Variants in GPC5 observed in about 807,000 individuals in gnomAD.
The protein encoded by GPC5 is glypican 5, also known as glypican-5.
A neutral mutation model predicts 53.9 loss-of-function variants in GPC5; 47 were observed. The ratio of observed to expected loss-of-function variants is 0.87; its 90% CI spans 0.69 to 1.11. The LOEUF is 1.11. Among genes scored for constraint, GPC5 ranks in the 50% most tolerant of loss-of-function variants. The pLI is 0.00. For synonymous variants in GPC5, 286 were observed against 263.3 expected (o/e 1.09, Z -0.84); for missense variants, 748 against 713.1 (o/e 1.05, Z -0.56).
At chr13:91,823,371 T>C (rs756996121) in intron 5 of GPC5, among the ~76,000 whole-genome samples, 3 of 152,086 alleles carry the variant, frequency 2.0e-5, no homozygotes, top group Non-Finnish European at 2.9e-5. Flanking sequence ...CAAAATGTCT[T>C]TTTTTGTTTG....
intron 7 of GPC5, among the ~76,000 whole-genome samples, chr13:92,576,575 C>T (rs528045107): frequency 6.6e-6 from 1 of 152,172 alleles, no homozygotes; most frequent in South Asian, 2.1e-4. Flanking sequence ...GAAAATTAGA[C>T]ATTAAAAATG....
chr13:92,115,771 AGGATTTTCCAGGCTATG>A (rs921033003), intron 6 of GPC5, among the ~76,000 whole-genome samples: 2 of 152,200 alleles, frequency 1.3e-5, no homozygotes, highest in Non-Finnish European at 2.9e-5. Flanking sequence ...GAGGGCATTT[AGGATTTTCCAGGCTATG>A]GGCTGATTGT....
chr13:92,088,197 C>T (rs2138891411), intron 6 of GPC5, among the ~76,000 whole-genome samples: 1 of 152,292 alleles, frequency 6.6e-6, no homozygotes, highest in South Asian at 2.1e-4. Flanking sequence ...ATCCTAACTA[C>T]TCTACCGAAG....
intron 7 of GPC5, among the ~76,000 whole-genome samples, chr13:92,407,519 A>G (rs2374006): frequency 0.62 from 94,027 of 152,014 alleles, 29,329 homozygotes; most frequent in East Asian, 0.73. Flanking sequence ...GTCCAAGTTT[A>G]TAATAAGAAT....
At chr13:92,633,798 T>C (rs1885332059) in intron 7 of GPC5, among the ~76,000 whole-genome samples, 2 of 152,248 alleles carry the variant, frequency 1.3e-5, no homozygotes, top group South Asian at 4.1e-4. Context: ...ACACACAATT[T>C]GTTTCCTTGT....
chr13:91,724,423 A>G (rs117634537), intron 3 of GPC5, among the ~76,000 whole-genome samples: 1,611 of 152,192 alleles, frequency 0.011, 17 homozygotes, highest in Middle Eastern at 0.055. Flanking sequence ...AGTGTGCTTA[A>G]TAATCACTCG....
At chr13:92,262,827 A>T (rs1300262026) in intron 7 of GPC5, among the ~76,000 whole-genome samples, 8 of 152,210 alleles carry the variant, frequency 5.3e-5, no homozygotes, top group African/African-American at 1.9e-4. Flanking sequence ...AAAGGTTGAG[A>T]CTAAAGAATT....
chr13:91,615,177 C>T (rs9523379), intron 2 of GPC5, among the ~76,000 whole-genome samples: 41,674 of 152,028 alleles, frequency 0.27, 6,764 homozygotes, highest in Non-Finnish European at 0.36. Context: ...CCAAGGTGGA[C>T]ACTTATTTCT....
At chr13:92,480,748 C>A (rs1879316547) in intron 7 of GPC5, among the ~76,000 whole-genome samples, 2 of 80,692 alleles carry the variant, frequency 2.5e-5, no homozygotes, top group Admixed American at 1.5e-4. Context: ...GCCTTACAGT[C>A]AGGCAACAAA....
At chr13:92,535,016 G>C (rs1165265400) in intron 7 of GPC5, among the ~76,000 whole-genome samples, 1 of 152,050 alleles carries the variant, frequency 6.6e-6, no homozygotes, top group African/African-American at 2.4e-5. Context: ...AGTCAAATGA[G>C]GTATTATTAG....
chr13:92,495,071 T>C (rs1879919423), intron 7 of GPC5, among the ~76,000 whole-genome samples: 1 of 152,244 alleles, frequency 6.6e-6, no homozygotes. Context: ...TCTTGGTTAT[T>C]GTGTGAAGAT....
chr13:92,660,456 T>G (rs1372981391), intron 7 of GPC5, among the ~76,000 whole-genome samples: 1 of 151,400 alleles, frequency 6.6e-6, no homozygotes, highest in Non-Finnish European at 1.5e-5. Flanking sequence ...CACATACATG[T>G]ATATATATAA....
intron 2 of GPC5, among the ~76,000 whole-genome samples, chr13:91,598,305 GATTT>G (rs2033064911): frequency 6.8e-6 from 1 of 146,588 alleles, no homozygotes; most frequent in African/African-American, 2.4e-5. Flanking sequence ...TGTGGCATGA[GATTT>G]ATCTTCTAGT....
chr13:92,106,687 T>C lies in GPC5; in HGVS notation c.1402-38143T>C, dbSNP rs567905187. ...CATCTTCTGCAACTCTTTAGGTAAT[T>C]GTTCATGTGTGCTAATTTTCATGAG... is the stretch of plus-strand genomic sequence containing the variant. On this transcript the variant is annotated intron_variant, in intron 6 of 7. Coordinates refer to ENST00000377067, the MANE Select transcript of GPC5 (RefSeq NM_004466.6). 2.0e-5 allele frequency among the ~76,000 whole-genome samples: 3 copies of C among 152,234 alleles called. No homozygotes were observed. In the South Asian group the frequency reaches 6.2e-4, roughly 32 times the overall value.
At chr13:92,762,826 T>A (rs1003846826) in intron 7 of GPC5, among the ~76,000 whole-genome samples, 2 of 152,060 alleles carry the variant, frequency 1.3e-5, no homozygotes, top group African/African-American at 4.8e-5. Flanking sequence ...TTAGAGATTC[T>A]TTCTTCTTTT....
intron 7 of GPC5, among the ~76,000 whole-genome samples, chr13:92,304,377 T>C (rs1481850041): frequency 1.3e-5 from 2 of 151,936 alleles, no homozygotes; most frequent in Non-Finnish European, 2.9e-5. Context: ...GCTAATTTTT[T>C]GTATTTTTAG....
chr13:91,879,492 T>C (rs977118804), intron 5 of GPC5, among the ~76,000 whole-genome samples: 1 of 152,190 alleles, frequency 6.6e-6, no homozygotes. Flanking sequence ...ACCAAGGCAC[T>C]AGTCAGTTTG....
intron 2 of GPC5, among the ~76,000 whole-genome samples, chr13:91,590,808 C>T (rs936718150): frequency 6.6e-6 from 1 of 152,064 alleles, no homozygotes; most frequent in Non-Finnish European, 1.5e-5. Context: ...CACTGGTATG[C>T]CATCCTTTAT....
At chr13:92,791,806 G>T (rs925386156) in intron 7 of GPC5, among the ~76,000 whole-genome samples, 2 of 151,802 alleles carry the variant, frequency 1.3e-5, no homozygotes, top group Admixed American at 6.6e-5. Context: ...ATGATTTTTG[G>T]CATTTACTAC....
Sources: allele counts gnomAD v4.1 joint callset (sites outside exome capture counted in the v4.1 genomes callset), GRCh38; gene constraint gnomAD v4.1.1; transcripts MANE v1.5; gene names NCBI Gene and HGNC (gene_info 2026-07-23, HGNC 2026-07-21).